The following KCNQ5 variants were observed in gnomAD, a reference collection of about 807,000 sequenced individuals.
KCNQ5 encodes the protein potassium voltage-gated channel subfamily Q member 5.
A neutral mutation model predicts 98.2 loss-of-function variants in KCNQ5; 30 were observed. That is an observed-to-expected ratio of 0.31 (90% CI 0.23 to 0.41). The LOEUF is 0.41. Among genes scored for constraint, KCNQ5 ranks in the 10% least tolerant of loss-of-function variants. The pLI is 1.00. For synonymous variants in KCNQ5, 458 were observed against 449.4 expected (o/e 1.02, Z -0.24); for missense variants, 835 against 1,182.5 (o/e 0.71, Z 4.31).
intron 5 of KCNQ5, among the ~76,000 whole-genome samples, chr6:73,094,221 C>T (rs987430788): frequency 3.3e-5 from 5 of 152,014 alleles, no homozygotes; most frequent in South Asian, 4.1e-4. Context: ...TAGGTACTCC[C>T]GTTTGCTTTT....
At chr6:73,052,893 A>G (rs755702587) in intron 3 of KCNQ5, among the ~76,000 whole-genome samples, 8 of 152,212 alleles carry the variant, frequency 5.3e-5, no homozygotes, top group African/African-American at 9.7e-5. Flanking sequence ...ATCCACACAT[A>G]TCAATATTAA....
intron 1 of KCNQ5, among the ~76,000 whole-genome samples, chr6:72,817,890 A>G (rs1386932773): frequency 1.3e-5 from 2 of 152,038 alleles, no homozygotes; most frequent in African/African-American, 2.4e-5. Flanking sequence ...CAAGACTCTG[A>G]CTCAAAAAAA....
rs531177733 is a variant in KCNQ5 at position 72,777,526 on chromosome 6, CT to C, written c.398+154940del. 4.4e-3 allele frequency among the ~76,000 whole-genome samples: 667 copies of C among 152,272 alleles called. 5 individuals carry two copies. Among genetic ancestry groups the C allele is most frequent in the Middle Eastern group, 0.034 (10 of 294 alleles). ...ACAAGAAGCACACATTAGCCCCGAG[CT>C]ACGTTTACACATTTTTCCACCTCCA... On this transcript the variant is annotated intron_variant, in intron 1 of 13. Coordinates refer to ENST00000370398, the MANE Select transcript of KCNQ5 (RefSeq NM_019842.4).
Position 73,157,238 on chromosome 6 carries a change from G to A in KCNQ5, c.1469-12508G>A, listed in dbSNP as rs1245781036. ...AGGTCAGGCCTTGCAGGGTCCAAGT[G>A]ATCCTCCGAGCTGGATCTGAGCGCC... On this transcript the variant is annotated intron_variant, in intron 10 of 13. Coordinates refer to ENST00000370398, the MANE Select transcript of KCNQ5 (RefSeq NM_019842.4). Among the ~76,000 whole-genome samples the A allele has an allele frequency of 3.3e-5, 5 of 152,256 alleles. No homozygotes were observed. In the East Asian group the frequency reaches 9.6e-4, roughly 29 times the overall value.
At chr6:73,104,704 C>G (rs1229477802) in intron 5 of KCNQ5, among the ~76,000 whole-genome samples, 1 of 152,182 alleles carries the variant, frequency 6.6e-6, no homozygotes, top group Non-Finnish European at 1.5e-5. Flanking sequence ...ATTCCCATAG[C>G]AGGTTATTTG....
chr6:73,135,421 A>G (rs1562199686), intron 10 of KCNQ5: 1 of 150,820 alleles, frequency 6.6e-6, no homozygotes, highest in Non-Finnish European at 1.5e-5. Flanking sequence ...AAAAAAAAAA[A>G]GCCCTCAGTT....
intron 1 of KCNQ5, among the ~76,000 whole-genome samples, chr6:72,826,342 T>C (rs1775992046): frequency 6.6e-6 from 1 of 152,130 alleles, no homozygotes; most frequent in Non-Finnish European, 1.5e-5. Context: ...ACAACAGTCA[T>C]TTTTTGTGGA....
At chr6:73,142,258 G>T (rs141509633) in intron 10 of KCNQ5, among the ~76,000 whole-genome samples, 2 of 152,116 alleles carry the variant, frequency 1.3e-5, no homozygotes, top group Admixed American at 6.5e-5. Context: ...ATACAGGGGG[G>T]TAATACCAGG....
intron 3 of KCNQ5, among the ~76,000 whole-genome samples, chr6:73,048,799 G>A (rs904244509): frequency 6.6e-6 from 1 of 152,040 alleles, no homozygotes; most frequent in Admixed American, 6.6e-5. Context: ...TTTCTATGAG[G>A]AACTGGAATT....
At chr6:73,179,135 G>A (rs1450015870) in intron 11 of KCNQ5, among the ~76,000 whole-genome samples, 1 of 152,210 alleles carries the variant, frequency 6.6e-6, no homozygotes, top group Non-Finnish European at 1.5e-5. Flanking sequence ...CAAACTGGAA[G>A]AGGGAGTATT....
At chr6:72,999,624 A>G (rs1769468132) in intron 1 of KCNQ5, among the ~76,000 whole-genome samples, 1 of 152,212 alleles carries the variant, frequency 6.6e-6, no homozygotes, top group South Asian at 2.1e-4. Context: ...TATGTGTGCC[A>G]TGGGCCCTTC....
chr6:72,994,660 C>T (rs995758568), intron 1 of KCNQ5, among the ~76,000 whole-genome samples: 5 of 152,038 alleles, frequency 3.3e-5, no homozygotes, highest in African/African-American at 1.2e-4. Flanking sequence ...GGAGCTGTTC[C>T]TATTCGGCCA....
intron 3 of KCNQ5, among the ~76,000 whole-genome samples, chr6:73,062,464 T>G (rs1229396954): frequency 6.6e-6 from 1 of 152,012 alleles, no homozygotes; most frequent in Non-Finnish European, 1.5e-5. Flanking sequence ...AATAAAAAAT[T>G]GAGAAAACTG....
intron 5 of KCNQ5, among the ~76,000 whole-genome samples, chr6:73,088,021 CTCTT>C (rs955075379): frequency 1.8e-5 from 2 of 113,854 alleles, no homozygotes; most frequent in African/African-American, 5.6e-5. Context: ...CTCTCTCTCT[CTCTT>C]TTTTTTTTTT....
chr6:72,626,563 A>T (rs2098918081), intron 1 of KCNQ5, among the ~76,000 whole-genome samples: 1 of 152,192 alleles, frequency 6.6e-6, no homozygotes, highest in Non-Finnish European at 1.5e-5. Flanking sequence ...AATCAGGGGA[A>T]TGATATAATC....
At chr6:72,781,396 C>A (rs1327114957) in intron 1 of KCNQ5, among the ~76,000 whole-genome samples, 1 of 152,138 alleles carries the variant, frequency 6.6e-6, no homozygotes, top group Non-Finnish European at 1.5e-5. Flanking sequence ...AAGCCACCAA[C>A]TTTGTGGTAG....
chr6:72,677,139 A>G (rs1451565369), intron 1 of KCNQ5: 1 of 152,112 alleles, frequency 6.6e-6, no homozygotes, highest in Non-Finnish European at 1.5e-5. Context: ...TGAAGCCTCT[A>G]CTACCCTGCT....
intron 1 of KCNQ5, among the ~76,000 whole-genome samples, chr6:72,845,882 A>T (rs192199033): frequency 6.6e-6 from 1 of 152,298 alleles, no homozygotes; most frequent in Non-Finnish European, 1.5e-5. Flanking sequence ...AGCTGCATTT[A>T]TGGAATGCTT....
At chr6:72,805,360 G>T (rs1006826389) in intron 1 of KCNQ5, among the ~76,000 whole-genome samples, 3 of 152,034 alleles carry the variant, frequency 2.0e-5, no homozygotes, top group African/African-American at 7.2e-5. Flanking sequence ...GGAGACAGGG[G>T]TCTATTTTCA....
Sources: gnomAD v4.1 joint callset for allele counts (sites outside exome capture counted in the v4.1 genomes callset) on GRCh38, gnomAD v4.1.1 for gene constraint, MANE v1.5 for transcripts, NCBI Gene and HGNC (gene_info 2026-07-23, HGNC 2026-07-21) for gene names.